The following SLC35G1 variants were observed in gnomAD, a reference collection of about 807,000 sequenced individuals.
SLC35G1 encodes partner of STIM1.
SLC35G1 carries 10 observed loss-of-function variants against 17.1 expected under a neutral mutation model. That is an observed-to-expected ratio of 0.59 (90% CI 0.36 to 0.99). The LOEUF is 0.99. Among genes scored for constraint, SLC35G1 ranks in the 50% least tolerant of loss-of-function variants. The probability of loss-of-function intolerance (pLI) is 0.01; values close to 1 mark genes in which losing one functional copy is unlikely to be tolerated. For synonymous variants in SLC35G1, 185 were observed against 181.1 expected, an observed-to-expected ratio of 1.02 and a Z score of -0.18; for missense variants, 433 against 468.4, an observed-to-expected ratio of 0.92 and a Z score of 0.70.
downstream of SLC35G1, chr10:93,908,555 A>C (rs1044452378): frequency 2.6e-5 from 4 of 152,114 alleles, no homozygotes; most frequent in African/African-American, 9.7e-5. Context: ...CCCCTCCTAG[A>C]GCAAGAGCTA....
At chr10:93,905,785 T>C (rs963142234), downstream of SLC35G1, among the ~76,000 whole-genome samples, 1 of 152,210 alleles carries the variant, frequency 6.6e-6, no homozygotes, top group East Asian at 1.9e-4. Context: ...GTAAGCCTGA[T>C]GAAGCAAAGG....
At chr10:93,894,709 C>T (rs1297978057) in intron 1 of SLC35G1, among the ~76,000 whole-genome samples, 1 of 152,100 alleles carries the variant, frequency 6.6e-6, no homozygotes, top group Non-Finnish European at 1.5e-5. Context: ...TAAGTGGGAC[C>T]GCTAGTTTTT....
At position 93,893,987 on chromosome 10, in the gene SLC35G1, T is replaced by C; in HGVS notation, c.-47T>C. ...GGAAGAGCGGCAGCCCAGGCGCTGCTGCTGGCGCCAGACGGCACCGGCCGC... is the reference window on the plus strand; with the variant it reads ...GGAAGAGCGGCAGCCCAGGCGCTGCCGCTGGCGCCAGACGGCACCGGCCGC... On this transcript the variant is annotated 5_prime_UTR_variant, in exon 1 of 3. Coordinates refer to ENST00000427197, the MANE Select transcript of SLC35G1 (RefSeq NM_001134658.3). 7.5e-7 allele frequency: 1 copy of C among 1,325,008 alleles called. No individual in the cohort carries two copies. Among genetic ancestry groups the C allele is most frequent in the Admixed American group, 4.1e-5 (1 of 24,154 alleles). The allele number at this position is 1,325,008 out of a possible 1,614,324, so 82.1% of individuals were successfully genotyped here. A position where few individuals can be genotyped will look rare whatever the true frequency, so the allele number is the denominator to read the frequency against.
downstream of SLC35G1, among the ~76,000 whole-genome samples, chr10:93,905,242 G>A (rs2060421082): frequency 6.6e-6 from 1 of 152,172 alleles, no homozygotes; most frequent in Non-Finnish European, 1.5e-5. Context: ...CTAGTGGGAA[G>A]AGAGCCAGAT....
downstream of SLC35G1, among the ~76,000 whole-genome samples, chr10:93,905,182 G>A (rs1251256756): frequency 6.6e-6 from 1 of 152,084 alleles, no homozygotes; most frequent in African/African-American, 2.4e-5. Flanking sequence ...GGTTCTTTTA[G>A]CCTCTTACGT....
In SLC35G1 at chr10:93,899,319, T is replaced by A. The variant is rs536200624; in HGVS notation, c.359+568T>A. 2.0e-5 allele frequency among the ~76,000 whole-genome samples: 3 copies of A among 152,242 alleles called. No individual in the cohort carries two copies. In the South Asian group the frequency reaches 6.2e-4, roughly 32 times the overall value. Reference sequence around the variant, plus strand: ...ATTCCAAGGGTCAAATAAGATTTATTATAGGGTGGAGTGCCTTGTGTAGAG... The same window carrying A: ...ATTCCAAGGGTCAAATAAGATTTATAATAGGGTGGAGTGCCTTGTGTAGAG... On this transcript the variant is annotated intron_variant, in intron 2 of 2. Transcript: ENST00000427197.
At chr10:93,896,888 C>G (rs1418286918) in intron 1 of SLC35G1, among the ~76,000 whole-genome samples, 1 of 152,094 alleles carries the variant, frequency 6.6e-6, no homozygotes. Flanking sequence ...TCGGTCTGTT[C>G]TGTTTGAGGG....
chr10:93,908,660 A>C (rs970030540), downstream of SLC35G1: 1 of 152,222 alleles, frequency 6.6e-6, no homozygotes, highest in Non-Finnish European at 1.5e-5. Context: ...AGTAGCCATA[A>C]ACAATCCTAG....
intron 2 of SLC35G1, among the ~76,000 whole-genome samples, chr10:93,900,473 G>A (rs2060372574): frequency 1.3e-5 from 2 of 151,774 alleles, no homozygotes; most frequent in Admixed American, 1.3e-4. Flanking sequence ...ACATATACGT[G>A]GGATAAATAT....
intron 2 of SLC35G1, 91 bp from the exon 3 acceptor site, chr10:93,900,661 A>T: frequency 4.8e-6 from 5 of 1,046,842 alleles, no homozygotes; most frequent in African/African-American, 1.6e-5. Flanking sequence ...TTTGATATTT[A>T]GTACTTTTAA....
downstream of SLC35G1, chr10:93,907,726 G>T (rs2060437385): frequency 1.3e-5 from 2 of 152,134 alleles, no homozygotes; most frequent in Non-Finnish European, 2.9e-5. Flanking sequence ...GGCGAGGTGA[G>T]AGGAGACTTT....
chr10:93,900,758 G>T lies in SLC35G1; in HGVS notation c.366G>T (p.Gly122=), dbSNP rs2060374639. 1 of 1,592,182 alleles carries T rather than the reference G, an allele frequency of 6.3e-7. No homozygotes were observed. The highest frequency in any genetic ancestry group is 8.6e-7 in the Non-Finnish European group (1 of 1,165,180). ...VIPCLIYRKT[G]FIGPKGQRIF... is the part of the protein sequence containing the mutation. ...TCTTCATTTGAATTTACAGAACTGG[G>T]TTTATAGGCCCAAAAGGTCAACGAA... The change falls in exon 3 of 3, where the codon GGG becomes GGT. Residue 122 remains glycine (G), a synonymous_variant. Transcript: ENST00000427197.
chr10:93,901,415 A>G lies in SLC35G1; in HGVS notation c.1023A>G (p.Thr341=), dbSNP rs138362177. 1.0e-4 allele frequency: 162 copies of G among 1,614,070 alleles called. No individual in the cohort carries two copies. In the African/African-American group the frequency reaches 1.9e-3, roughly 18 times the overall value. ...IFFNNVPTWW[T]VGGALCVVAS... is the part of the protein sequence containing the mutation. ...TTAATAATGTGCCAACGTGGTGGAC[A>G]GTGGGTGGTGCTCTCTGCGTAGTAG... The change falls in exon 3 of 3, where the codon ACA becomes ACG. Residue 341 remains threonine (T), a synonymous_variant. Transcript: ENST00000427197.
At chr10:93,909,345 C>T (rs1004703372) in exon 3 of SLC35G1, 3 of 151,982 alleles carry the variant, frequency 2.0e-5, no homozygotes, top group Admixed American at 6.5e-5. Flanking sequence ...TTCTGCTTAC[C>T]CTAAGCCTAA....
chr10:93,908,321 TG>T (rs2060440111), downstream of SLC35G1: 1 of 152,152 alleles, frequency 6.6e-6, no homozygotes, highest in South Asian at 2.1e-4. Flanking sequence ...AGAGGTTGAA[TG>T]GGGTTACCTA....
downstream of SLC35G1, among the ~76,000 whole-genome samples, chr10:93,906,618 AG>A (rs541322903): frequency 3.0e-3 from 451 of 152,368 alleles, 2 homozygotes; most frequent in Admixed American, 4.7e-3. Context: ...AATTACATAA[AG>A]CAAAACACCT....
rs981850938 is a variant in SLC35G1 at position 93,903,069 on chromosome 10, G to A, written c.*1579G>A. On this transcript the variant is annotated 3_prime_UTR_variant, in exon 3 of 3. Coordinates refer to ENST00000427197, the MANE Select transcript of SLC35G1 (RefSeq NM_001134658.3). ...ACCCTCTCATCATAATTTTTCCAAAGCAAAGAGGAACTTGGCTTCTGGGGT... is the reference window on the plus strand; with the variant it reads ...ACCCTCTCATCATAATTTTTCCAAAACAAAGAGGAACTTGGCTTCTGGGGT... 6 of 152,130 alleles carry A rather than the reference G, an allele frequency of 3.9e-5. No individual in the cohort carries two copies. The highest frequency in any genetic ancestry group is 8.8e-5 in the Non-Finnish European group (6 of 68,018). The allele number at this position is 152,130 out of a possible 1,614,324, so 9.4% of individuals were successfully genotyped here.
At chr10:93,895,528 T>C (rs191071586) in intron 1 of SLC35G1, among the ~76,000 whole-genome samples, 78 of 152,346 alleles carry the variant, frequency 5.1e-4, no homozygotes, top group Admixed American at 1.8e-3. Context: ...CATGGCAAGA[T>C]GAGAAACTTA....
chr10:93,894,587 C>G (rs1235500840), intron 1 of SLC35G1, among the ~76,000 whole-genome samples: 1 of 151,974 alleles, frequency 6.6e-6, no homozygotes, highest in Non-Finnish European at 1.5e-5. Context: ...AGGAAGCTGA[C>G]CCTGAAAAGT....
Sources: gnomAD v4.1 joint callset for allele counts (sites outside exome capture counted in the v4.1 genomes callset) on GRCh38, gnomAD v4.1.1 for gene constraint, MANE v1.5 for transcripts, NCBI Gene and HGNC (gene_info 2026-07-23, HGNC 2026-07-21) for gene names.